The following EXOC6B variants were observed in gnomAD, a reference collection of about 807,000 sequenced individuals.
EXOC6B encodes the protein SEC15 homolog B.
In EXOC6B, 54 loss-of-function variants were observed where a neutral mutation model predicts 113.5. The ratio of observed to expected loss-of-function variants is 0.48; its 90% confidence interval spans 0.38 to 0.60. The LOEUF (loss-of-function observed/expected upper bound fraction) is 0.60. Among genes scored for constraint, EXOC6B ranks in the 20% least tolerant of loss-of-function variants. The pLI is 0.00. For synonymous variants in EXOC6B, 357 were observed against 339.0 expected, an observed-to-expected ratio of 1.05 and a Z score of -0.58; for missense variants, 797 against 977.5, an observed-to-expected ratio of 0.82 and a Z score of 2.46.
intron 1 of EXOC6B, among the ~76,000 whole-genome samples, chr2:72,773,486 T>C (rs1300640105): frequency 6.6e-6 from 1 of 150,444 alleles, no homozygotes; most frequent in African/African-American, 2.4e-5. Flanking sequence ...AGTTGATGAA[T>C]ATGTTAATTA....
chr2:72,415,695 G>A (rs1694479867), intron 18 of EXOC6B, among the ~76,000 whole-genome samples: 1 of 152,022 alleles, frequency 6.6e-6, no homozygotes, highest in African/African-American at 2.4e-5. Context: ...CATTAATGAG[G>A]AAGAATAGGC....
chr2:72,550,255 T>C (rs1251241880), intron 8 of EXOC6B, among the ~76,000 whole-genome samples: 1 of 152,166 alleles, frequency 6.6e-6, no homozygotes, highest in Admixed American at 6.5e-5. Flanking sequence ...TCCTTTACCA[T>C]GCAGTAATGC....
intron 7 of EXOC6B, among the ~76,000 whole-genome samples, chr2:72,574,151 AT>A (rs1704684744): frequency 1.3e-5 from 2 of 151,738 alleles, no homozygotes; most frequent in South Asian, 4.1e-4. Flanking sequence ...CATTCTTATG[AT>A]AGCTCCTGTT....
intron 20 of EXOC6B, among the ~76,000 whole-genome samples, chr2:72,216,687 G>A (rs1680556662): frequency 6.6e-6 from 1 of 152,188 alleles, no homozygotes; most frequent in Non-Finnish European, 1.5e-5. Context: ...TAAAGAAAAT[G>A]TGGTACATAT....
chr2:72,749,799 G>A (rs556213963), intron 1 of EXOC6B, among the ~76,000 whole-genome samples: 1 of 151,854 alleles, frequency 6.6e-6, no homozygotes, highest in African/African-American at 2.4e-5. Flanking sequence ...AACCAATAAT[G>A]GTTAACACTA....
intron 18 of EXOC6B, among the ~76,000 whole-genome samples, chr2:72,399,521 C>T (rs1324495763): frequency 6.6e-6 from 1 of 152,088 alleles, no homozygotes; most frequent in Non-Finnish European, 1.5e-5. Flanking sequence ...TCTCTCCTTG[C>T]TGATGATATG....
At chr2:72,609,234 G>A (rs1378579822) in intron 6 of EXOC6B, among the ~76,000 whole-genome samples, 2 of 152,064 alleles carry the variant, frequency 1.3e-5, no homozygotes, top group East Asian at 1.9e-4. Context: ...ATAATCAGGA[G>A]AACAAACAGC....
At chr2:72,771,440 CATA>C (rs532829067) in intron 1 of EXOC6B, among the ~76,000 whole-genome samples, 57 of 152,250 alleles carry the variant, frequency 3.7e-4, no homozygotes, top group African/African-American at 1.4e-3. Context: ...CTCTCTCTTA[CATA>C]ATGATAGTAC....
chr2:72,569,483 A>G (rs1236342739), intron 7 of EXOC6B, among the ~76,000 whole-genome samples: 1 of 152,108 alleles, frequency 6.6e-6, no homozygotes, highest in East Asian at 1.9e-4. Flanking sequence ...AGGCCAGTCT[A>G]TTACTACCAT....
At chr2:72,564,662 A>T (rs1704063993) in intron 7 of EXOC6B, among the ~76,000 whole-genome samples, 2 of 152,198 alleles carry the variant, frequency 1.3e-5, no homozygotes, top group Admixed American at 6.5e-5. Flanking sequence ...TTGCTTCCCA[A>T]AATTCAGAGA....
intron 20 of EXOC6B, among the ~76,000 whole-genome samples, chr2:72,242,615 T>C (rs1682383723): frequency 1.3e-5 from 2 of 152,296 alleles, no homozygotes; most frequent in Non-Finnish European, 2.9e-5. Context: ...ACAGATATGG[T>C]AGATATTAAT....
intron 20 of EXOC6B, among the ~76,000 whole-genome samples, chr2:72,233,974 C>T (rs1260504409): frequency 1.3e-5 from 2 of 151,602 alleles, no homozygotes; most frequent in African/African-American, 2.4e-5. Flanking sequence ...GATGGTAAGG[C>T]GTGTGCCCCA....
intron 18 of EXOC6B, among the ~76,000 whole-genome samples, chr2:72,434,285 G>A (rs1695721662): frequency 6.6e-6 from 1 of 152,118 alleles, no homozygotes. Flanking sequence ...GCTTTTTGAT[G>A]GGCTGCTGGA....
chr2:72,786,062 A>G (rs1684357341), intron 1 of EXOC6B, among the ~76,000 whole-genome samples: 1 of 152,226 alleles, frequency 6.6e-6, no homozygotes, highest in Non-Finnish European at 1.5e-5. Flanking sequence ...TGTCTTCACT[A>G]AAAATAAAAT....
chr2:72,767,825 A>AAAAAAAAAAAAAAAAAAAAAAG (rs1683170948), intron 1 of EXOC6B, among the ~76,000 whole-genome samples: 1 of 141,052 alleles, frequency 7.1e-6, no homozygotes, highest in African/African-American at 2.6e-5. Flanking sequence ...AAAAAAAAAA[A>AAAAAAAAAAAAAAAAAAAAAAG]AAAAAAAAGA....
chr2:72,619,115 GT>G (rs1346176655), intron 6 of EXOC6B, among the ~76,000 whole-genome samples: 1 of 151,982 alleles, frequency 6.6e-6, no homozygotes, highest in Non-Finnish European at 1.5e-5. Flanking sequence ...ACCTGGAAAT[GT>G]TACAGCCATT....
chr2:72,278,095 C>A (rs535157857), intron 20 of EXOC6B, among the ~76,000 whole-genome samples: 2 of 152,114 alleles, frequency 1.3e-5, no homozygotes, highest in East Asian at 1.9e-4. Flanking sequence ...ACATTAAACT[C>A]AAAAAATACA....
intron 20 of EXOC6B, among the ~76,000 whole-genome samples, chr2:72,206,280 A>G (rs1679835727): frequency 6.6e-6 from 1 of 152,234 alleles, no homozygotes; most frequent in African/African-American, 2.4e-5. Context: ...GCATCTTTAA[A>G]TATGAGAGTA....
chr2:72,430,630 G>A (rs570582642), intron 18 of EXOC6B, among the ~76,000 whole-genome samples: 2 of 152,260 alleles, frequency 1.3e-5, no homozygotes, highest in East Asian at 1.9e-4. Flanking sequence ...CTGGACAACA[G>A]AATGAGAATC....
Sources: gnomAD v4.1 joint callset for allele counts (sites outside exome capture counted in the v4.1 genomes callset) on GRCh38, gnomAD v4.1.1 for gene constraint, MANE v1.5 for transcripts, NCBI Gene and HGNC (gene_info 2026-07-23, HGNC 2026-07-21) for gene names.